Variants in ARMC8 observed in about 807,000 individuals in gnomAD.
ARMC8 encodes armadillo repeat-containing protein 8.
A neutral mutation model predicts 99.3 loss-of-function variants in ARMC8; 20 were observed. That is an observed-to-expected ratio of 0.20 (90% confidence interval 0.14 to 0.29). The LOEUF (loss-of-function observed/expected upper bound fraction) is 0.29, where lower values mean the gene tolerates loss of function less well. Ranked by LOEUF, ARMC8 falls within the 10% of genes least tolerant of loss-of-function variation. The pLI, the probability that ARMC8 is intolerant of heterozygous loss-of-function variation, is 1.00. For synonymous variants in ARMC8, 263 were observed against 278.3 expected (o/e 0.95, Z 0.55); for missense variants, 569 against 809.5 (o/e 0.70, Z 3.60).
intron 18 of ARMC8, among the ~76,000 whole-genome samples, chr3:138,279,479 A>G (rs2049655006): frequency 6.6e-6 from 1 of 152,180 alleles, no homozygotes; most frequent in Non-Finnish European, 1.5e-5. Context: ...TCACATCTAT[A>G]TTCATGAGGG....
Position 138,237,404 on chromosome 3 carries a change from G to A in ARMC8, c.685+20G>A. The A allele has an allele frequency of 6.2e-7, 1 of 1,611,720 alleles. No individual in the cohort carries two copies. Among genetic ancestry groups the A allele is most frequent in the Non-Finnish European group, 8.5e-7 (1 of 1,178,282 alleles). ...TAAATGGTAGGCTGGAGCTTTCAGT[G>A]GCACCTACATGATTTAATTGATGAA... is the stretch of plus-strand genomic sequence containing the variant. On this transcript the variant is annotated intron_variant, in intron 8 of 21. Coordinates refer to ENST00000469044, the MANE Select transcript of ARMC8 (RefSeq NM_001363941.2).
intron 5 of ARMC8, 94 bp from the exon 6 acceptor site, chr3:138,228,824 A>C: frequency 6.7e-6 from 5 of 741,802 alleles, no homozygotes; most frequent in Non-Finnish European, 1.1e-5. Flanking sequence ...CATTAAGATA[A>C]GAGATTTGAC....
chr3:138,250,674 C>T (rs1255233969), intron 12 of ARMC8, among the ~76,000 whole-genome samples: 5 of 152,144 alleles, frequency 3.3e-5, no homozygotes, highest in Non-Finnish European at 5.9e-5. Context: ...CTAATTGTTA[C>T]TGCTTATGGT....
At chr3:138,271,378 A>G (rs1385832966) in intron 16 of ARMC8, among the ~76,000 whole-genome samples, 2 of 152,144 alleles carry the variant, frequency 1.3e-5, no homozygotes, top group Non-Finnish European at 1.5e-5. Context: ...ATCTCATAAC[A>G]TGGTTTCAAC....
At chr3:138,200,490 G>A (rs937164891) in intron 1 of ARMC8, among the ~76,000 whole-genome samples, 12 of 152,130 alleles carry the variant, frequency 7.9e-5, no homozygotes, top group Non-Finnish European at 1.6e-4. Flanking sequence ...TATACTCTAG[G>A]TTTTTTGCCT....
At chr3:138,282,347 AG>A (rs2050011488) in intron 18 of ARMC8, among the ~76,000 whole-genome samples, 1 of 152,108 alleles carries the variant, frequency 6.6e-6, no homozygotes, top group African/African-American at 2.4e-5. Context: ...GGAGAGGGAG[AG>A]AGAAAAGAAT....
intron 10 of ARMC8, among the ~76,000 whole-genome samples, chr3:138,240,457 C>G (rs970164746): frequency 1.4e-4 from 21 of 152,176 alleles, no homozygotes; most frequent in African/African-American, 5.1e-4. Context: ...ATTTACTTCT[C>G]TAACCTTCCT....
chr3:138,266,906 C>G (rs1474788870), intron 14 of ARMC8, among the ~76,000 whole-genome samples: 2 of 152,156 alleles, frequency 1.3e-5, no homozygotes, highest in Non-Finnish European at 2.9e-5. Flanking sequence ...ATGTCTCTCT[C>G]CTCCCTGCAA....
chr3:138,205,358 T>C (rs1033088133), intron 1 of ARMC8, among the ~76,000 whole-genome samples: 18 of 152,016 alleles, frequency 1.2e-4, no homozygotes, highest in East Asian at 7.8e-4. Flanking sequence ...GGCAATTCAG[T>C]CTTTTAATGT....
At chr3:138,212,319 T>C (rs2044741650) in intron 2 of ARMC8, among the ~76,000 whole-genome samples, 1 of 151,582 alleles carries the variant, frequency 6.6e-6, no homozygotes, top group Admixed American at 6.6e-5. Context: ...TTTTTTTTTT[T>C]TTTTTTTGAG....
At chr3:138,200,786 C>T (rs902587141) in intron 1 of ARMC8, among the ~76,000 whole-genome samples, 1 of 151,804 alleles carries the variant, frequency 6.6e-6, no homozygotes, top group Non-Finnish European at 1.5e-5. Flanking sequence ...ACAAAATATG[C>T]TATTAAACAT....
rs771223689 is a variant in ARMC8, at chr3:138,273,092, T to G, written c.1605T>G (p.Leu535=). The change falls in exon 17 of 22, where the codon CTT becomes CTG. Residue 535 remains leucine, a synonymous_variant. Coordinates refer to ENST00000469044, the MANE Select transcript of ARMC8 (RefSeq NM_001363941.2). ...TGCTGATGAAGACATTGGGACTTCT[T>G]AGAAATCTCCTCTCCACTCGTCCTG... The part of the protein sequence containing the change: ...LNVLMKTLGL[L]RNLLSTRPHI... The G allele has an allele frequency of 6.2e-7, 1 of 1,611,660 alleles. No individual in the cohort carries two copies. Among genetic ancestry groups the G allele is most frequent in the South Asian group, 1.1e-5 (1 of 90,372 alleles).
intron 1 of ARMC8, among the ~76,000 whole-genome samples, chr3:138,197,793 G>A (rs781680385): frequency 6.6e-5 from 10 of 152,196 alleles, no homozygotes; most frequent in Non-Finnish European, 1.2e-4. Flanking sequence ...TTGACCCTCC[G>A]TTTAAGCATT....
chr3:138,280,497 C>CTT (rs1039909334), intron 18 of ARMC8, among the ~76,000 whole-genome samples: 21 of 107,106 alleles, frequency 2.0e-4, no homozygotes, highest in African/African-American at 4.9e-4. Context: ...TCTTTTTTTT[C>CTT]TTTTTTTTTT....
intron 1 of ARMC8, 124 bp downstream of exon 1, chr3:138,187,723 G>T: frequency 9.3e-7 from 1 of 1,071,606 alleles, no homozygotes. Flanking sequence ...GCTCAGTCTC[G>T]GGCCAGGGAG....
chr3:138,284,795 C>T (rs912123932), intron 19 of ARMC8, among the ~76,000 whole-genome samples: 10 of 152,262 alleles, frequency 6.6e-5, no homozygotes, highest in African/African-American at 2.2e-4. Flanking sequence ...AGTGAAGACC[C>T]GGGCTCTTGG....
chr3:138,234,387 G>A (rs1399014568), intron 6 of ARMC8, among the ~76,000 whole-genome samples: 2 of 152,158 alleles, frequency 1.3e-5, no homozygotes, highest in South Asian at 4.1e-4. Flanking sequence ...TGGGATTACA[G>A]GTGTGAGCCA....
intron 12 of ARMC8, chr3:138,246,372 T>C (rs1044861142): frequency 5.1e-6 from 5 of 985,238 alleles, no homozygotes; most frequent in African/African-American, 3.5e-5. Flanking sequence ...TTTTCACTTA[T>C]AAACTGTTAT....
rs1158477110 is a variant in ARMC8, at chr3:138,187,616, G to A, written c.45+17G>A. The A allele has an allele frequency of 8.5e-6, 13 of 1,535,322 alleles. No homozygotes were observed. Among genetic ancestry groups the A allele is most frequent in the African/African-American group, 1.4e-5 (1 of 73,026 alleles). The stretch of plus-strand genomic sequence containing the variant: ...GTCCTTTCGGTGAGTGACCCGCCGC[G>A]GCCGCCCGCCCGCCCTCCAGGAAGC... On this transcript the variant is annotated intron_variant, in intron 1 of 21. Transcript: ENST00000469044.
Sources: gnomAD v4.1 joint callset for allele counts (sites outside exome capture counted in the v4.1 genomes callset) on GRCh38, gnomAD v4.1.1 for gene constraint, MANE v1.5 for transcripts, NCBI Gene and HGNC (gene_info 2026-07-23, HGNC 2026-07-21) for gene names.